Variants in OTOGL observed in about 807,000 individuals in gnomAD.
OTOGL encodes the protein otogelin like.
Under a neutral mutation model 318.5 loss-of-function variants are expected in OTOGL, and 285 were observed. That is an observed-to-expected ratio of 0.89 (90% confidence interval 0.81 to 0.99). The LOEUF (loss-of-function observed/expected upper bound fraction) is 0.99, where lower values mean the gene tolerates loss of function less well. Ranked by LOEUF, OTOGL falls within the 50% of genes least tolerant of loss-of-function variation. The pLI, the probability that OTOGL is intolerant of heterozygous loss-of-function variation, is 0.00. For missense variants in OTOGL, 2,899 were observed against 2,845.6 expected, an observed-to-expected ratio of 1.02 and a Z score of -0.43; for synonymous variants, 987 against 936.5, an observed-to-expected ratio of 1.05 and a Z score of -0.99.
chr12:80,227,690 T>A (rs765634302), intron 7 of OTOGL, among the ~76,000 whole-genome samples: 2 of 152,172 alleles, frequency 1.3e-5, no homozygotes, highest in African/African-American at 4.8e-5. Flanking sequence ...GACGCTTGGA[T>A]TCATGGATCC....
intron 1 of OTOGL, among the ~76,000 whole-genome samples, chr12:80,111,944 C>T (rs1014223816): frequency 3.9e-5 from 6 of 152,130 alleles, no homozygotes; most frequent in Non-Finnish European, 7.4e-5. Flanking sequence ...TTGTAGTTCT[C>T]CTTGAAGAGG....
intron 1 of OTOGL, among the ~76,000 whole-genome samples, chr12:80,175,663 C>G (rs1030169013): frequency 3.3e-5 from 5 of 152,060 alleles, no homozygotes; most frequent in Admixed American, 3.3e-4. Context: ...TCCCCAGTAA[C>G]CTGTGTCAGA....
At chr12:80,312,085 G>A (rs1886668790) in intron 30 of OTOGL, among the ~76,000 whole-genome samples, 1 of 152,142 alleles carries the variant, frequency 6.6e-6, no homozygotes, top group Non-Finnish European at 1.5e-5. Flanking sequence ...TGTGTTTTTA[G>A]ATTTCACATT....
intron 1 of OTOGL, among the ~76,000 whole-genome samples, chr12:80,121,139 C>T (rs1191052469): frequency 6.6e-6 from 1 of 152,122 alleles, no homozygotes; most frequent in Non-Finnish European, 1.5e-5. Context: ...GGAGGTCAAC[C>T]TCTCCCTCTG....
At chr12:80,344,505 G>C (rs1300625529) in intron 44 of OTOGL, among the ~76,000 whole-genome samples, 1 of 152,092 alleles carries the variant, frequency 6.6e-6, no homozygotes. Flanking sequence ...TCGCGCCATT[G>C]CACTCCAGCC....
At chr12:80,143,132 A>G (rs1872064464) in intron 1 of OTOGL, among the ~76,000 whole-genome samples, 1 of 152,166 alleles carries the variant, frequency 6.6e-6, no homozygotes, top group Non-Finnish European at 1.5e-5. Flanking sequence ...GAGGCTTTTT[A>G]TAGTCTTCAT....
chr12:80,238,919 T>C lies in OTOGL; in HGVS notation c.886T>C (p.Cys296Arg), dbSNP rs1053464410. ...WSVQTPDDTK[C>R]VLTPSDFPNP... ...GGTGCAAACTCCAGATGACACCAAA[T>C]GTGTACTCACACCCTCAGATTTTCC... The change falls in exon 10 of 59, where the codon TGT becomes CGT. Residue 296 changes from cysteine (C) to arginine (R), a missense_variant. Cys to Arg is a radical substitution (Grantham distance 180). Transcript: ENST00000547103. 2 of 1,595,168 alleles carry C rather than the reference T, an allele frequency of 1.3e-6. No individual in the cohort carries two copies. Among genetic ancestry groups the C allele is most frequent in the African/African-American group, 2.7e-5 (2 of 74,856 alleles).
At chr12:80,160,840 C>T (rs557439353) in intron 1 of OTOGL, among the ~76,000 whole-genome samples, 30 of 152,190 alleles carry the variant, frequency 2.0e-4, no homozygotes, top group Admixed American at 9.8e-4. Context: ...GGCCAAATGC[C>T]CATCAATCAA....
chr12:80,161,094 G>C (rs925798153), intron 1 of OTOGL, among the ~76,000 whole-genome samples: 4 of 152,016 alleles, frequency 2.6e-5, no homozygotes, highest in Non-Finnish European at 5.9e-5. Flanking sequence ...AGGCTGGGAA[G>C]GGGGTGAGGG....
chr12:80,187,787 G>T (rs181560500), intron 1 of OTOGL, among the ~76,000 whole-genome samples: 1 of 152,206 alleles, frequency 6.6e-6, no homozygotes. Context: ...AGGACAGAAA[G>T]GTTTGTGGGC....
chr12:80,263,991 T>A (rs900500508), intron 19 of OTOGL, among the ~76,000 whole-genome samples: 1 of 152,088 alleles, frequency 6.6e-6, no homozygotes, highest in African/African-American at 2.4e-5. Flanking sequence ...TGCAAAAATA[T>A]CATACTTGAG....
In OTOGL at chr12:80,129,423, A is replaced by G. The variant is rs113418826; in HGVS notation, c.-20+29818A>G. Among the ~76,000 whole-genome samples the G allele has an allele frequency of 3.0e-3, 460 of 152,306 alleles. 4 individuals carry two copies. Among genetic ancestry groups the G allele is most frequent in the African/African-American group, 0.01 (423 of 41,550 alleles). On this transcript the variant is annotated intron_variant, in intron 1 of 58. Transcript: ENST00000547103. ...CATCTATCTAATCAACTATTATGTCATAACTTGTCAAGCCAACAGGTGTTA... is the reference window on the plus strand; with the variant it reads ...CATCTATCTAATCAACTATTATGTCGTAACTTGTCAAGCCAACAGGTGTTA...
At chr12:80,099,865 G>A (rs967516269) in intron 1 of OTOGL, among the ~76,000 whole-genome samples, 3 of 152,186 alleles carry the variant, frequency 2.0e-5, no homozygotes, top group African/African-American at 7.2e-5. Context: ...TGTTCACTCA[G>A]TTGGAAAAAT....
At chr12:80,303,656 A>C (rs1041790919) in intron 28 of OTOGL, among the ~76,000 whole-genome samples, 2 of 152,228 alleles carry the variant, frequency 1.3e-5, no homozygotes, top group Admixed American at 1.3e-4. Flanking sequence ...TCATTGTGGA[A>C]GGCAAAGGGG....
Position 80,371,396 on chromosome 12 carries a change from A to G in OTOGL, c.6736-623A>G, listed in dbSNP as rs996142708. ...ATGACGGCTGGCTGGCTAGCTAGAT[A>G]TAACACGTACTAAAGTCACAGAATT... On this transcript the variant is annotated intron_variant, in intron 56 of 58. Coordinates refer to ENST00000547103, the MANE Select transcript of OTOGL (RefSeq NM_001378609.3). Among the ~76,000 whole-genome samples, 4 of 152,080 alleles carry G rather than the reference A, an allele frequency of 2.6e-5. No individual in the cohort carries two copies. The South Asian group carries it at 6.2e-4, about 24-fold the overall frequency.
At chr12:80,337,512 T>C (rs1025738769) in intron 42 of OTOGL, among the ~76,000 whole-genome samples, 5 of 152,064 alleles carry the variant, frequency 3.3e-5, no homozygotes, top group African/African-American at 1.2e-4. Flanking sequence ...TTGAAATAAA[T>C]TGAAGAAGCG....
At chr12:80,351,482 A>G (rs1361421819) in intron 44 of OTOGL, among the ~76,000 whole-genome samples, 1 of 151,898 alleles carries the variant, frequency 6.6e-6, no homozygotes, top group Non-Finnish European at 1.5e-5. Context: ...CACCTGGCTA[A>G]TTTTTGTATT....
chr12:80,257,920 T>C lies in OTOGL; in HGVS notation c.1807T>C (p.Tyr603His). 1 of 1,598,286 alleles carries C rather than the reference T, an allele frequency of 6.3e-7. No homozygotes were observed. The highest frequency in any genetic ancestry group is 1.1e-5 in the South Asian group (1 of 90,986). The stretch of plus-strand genomic sequence containing the variant: ...GTTTGCTATAGATGGGGAAAGAATT[T>C]ATATTCAGCTTACTAGCGCATGGAA... ...ILFAIDGERI[Y>H]IQLTSAWKRR... Residue 603 changes from tyrosine to histidine, a missense_variant, in exon 18 of 59, where the codon TAT becomes CAT. Physicochemically the swap from Tyr to His is moderately conservative, Grantham distance 83. This residue lies in a region of OTOGL where 2,607 missense variants were observed against 2,524.9 expected (regional missense o/e 1.03). Transcript: ENST00000547103.
chr12:80,219,252 C>T (rs1431771664), intron 5 of OTOGL, among the ~76,000 whole-genome samples: 2 of 152,158 alleles, frequency 1.3e-5, no homozygotes, highest in Non-Finnish European at 2.9e-5. Context: ...GCTGGGACTA[C>T]AGGCATGCAC....
Sources: gnomAD v4.1 joint callset for allele counts (sites outside exome capture counted in the v4.1 genomes callset) on GRCh38, gnomAD v4.1.1 for gene constraint, gnomAD v4.1.1 regional missense constraint, MANE v1.5 for transcripts, NCBI Gene and HGNC (gene_info 2026-07-23, HGNC 2026-07-21) for gene names.